The following NME5 variants were observed in gnomAD, a reference collection of about 807,000 sequenced individuals.
The protein encoded by NME5 is nucleoside diphosphate kinase 5.
In NME5, 18 loss-of-function variants were observed where a neutral mutation model predicts 21.6. The ratio of observed to expected loss-of-function variants is 0.83; its 90% CI spans 0.58 to 1.24. NME5 has a LOEUF of 1.24. Ranked by LOEUF, NME5 falls within the 50% of genes most tolerant of loss-of-function variation. The pLI is 0.00. For missense variants in NME5, 223 were observed against 255.4 expected (o/e 0.87, Z 0.86); for synonymous variants, 70 against 80.6 (o/e 0.87, Z 0.71).
At chr5:138,119,661 A>T (rs1257188014) in intron 4 of NME5, among the ~76,000 whole-genome samples, 133 of 140,820 alleles carry the variant, frequency 9.4e-4, no homozygotes, top group African/African-American at 3.3e-3. Flanking sequence ...TCTTTTCTTT[A>T]TTTTTTTTTT....
intron 4 of NME5, chr5:138,127,515 GGGAAAAATAAGTCATAACA>G (rs1751451765): frequency 1.0e-6 from 1 of 977,080 alleles, no homozygotes; most frequent in Non-Finnish European, 1.2e-6. Flanking sequence ...AAATGACTTA[GGGAAAAATAAGTCATAACA>G]GGAAAAATAA....
chr5:138,115,838 G>A, intron 5 of NME5, 74 bp from the exon 6 acceptor site: 18 of 945,952 alleles, frequency 1.9e-5, no homozygotes, highest in Middle Eastern at 2.3e-4. Context: ...TATATCAATT[G>A]GAAACTTAAA....
intron 1 of NME5, 125 bp from the exon 2 acceptor site, chr5:138,138,910 T>A (rs533148608): frequency 1.2e-6 from 1 of 856,452 alleles, no homozygotes; most frequent in Non-Finnish European, 1.8e-6. Flanking sequence ...GTACTTGATT[T>A]TATTAACTGA....
chr5:138,135,206 T>C (rs1317955564), intron 2 of NME5, among the ~76,000 whole-genome samples: 1 of 144,488 alleles, frequency 6.9e-6, no homozygotes, highest in African/African-American at 2.5e-5. Flanking sequence ...TAGTCCCAGC[T>C]ACTCGGGAGG....
At chr5:138,116,744 T>TC (rs1751165532) in intron 5 of NME5, 1 of 153,658 alleles carries the variant, frequency 6.5e-6, no homozygotes, top group Non-Finnish European at 1.5e-5. Flanking sequence ...TTGACAATGG[T>TC]ACCAAGCCCA....
intron 4 of NME5, among the ~76,000 whole-genome samples, chr5:138,122,606 G>A (rs1326300128): frequency 3.3e-5 from 5 of 151,116 alleles, no homozygotes; most frequent in Non-Finnish European, 7.4e-5. Context: ...ATGGGCAAAT[G>A]TTTTATTCAT....
chr5:138,124,258 C>T (rs968263201), intron 4 of NME5, among the ~76,000 whole-genome samples: 5 of 152,070 alleles, frequency 3.3e-5, no homozygotes, highest in East Asian at 1.9e-4. Context: ...CAGCCTCGGC[C>T]TCCCAAAGAG....
At position 138,134,064 on chromosome 5, in the gene NME5, G is replaced by T. The variant is rs372783892; in HGVS notation, c.129+4588C>A. On this transcript the variant is annotated intron_variant, in intron 2 of 5. Transcript: ENST00000265191. ...CCTTTGCTCTGAAAGTTACTAACTAGGGAAAGTGTCATATATATTTACATT... is the reference window on the plus strand; with the variant it reads ...CCTTTGCTCTGAAAGTTACTAACTATGGAAAGTGTCATATATATTTACATT... Among the ~76,000 whole-genome samples, 3 of 152,234 alleles carry T rather than the reference G, an allele frequency of 2.0e-5. No individual in the cohort carries two copies. The East Asian group carries it at 5.8e-4, about 29-fold the overall frequency.
intron 4 of NME5, among the ~76,000 whole-genome samples, chr5:138,126,318 T>C (rs1751424195): frequency 6.6e-6 from 1 of 151,582 alleles, no homozygotes; most frequent in Admixed American, 6.6e-5. Flanking sequence ...GAGACTGGCC[T>C]GGGAAACATG....
At chr5:138,118,700 G>C in intron 5 of NME5, 118 bp downstream of exon 5, 1 of 592,610 alleles carries the variant, frequency 1.7e-6, no homozygotes, top group Non-Finnish European at 3.1e-6. Context: ...AGTCAGGCTG[G>C]TCTCAAACTC....
intron 3 of NME5, 35 bp downstream of exon 3, chr5:138,129,228 C>T: frequency 1.5e-6 from 2 of 1,372,196 alleles, no homozygotes; most frequent in Non-Finnish European, 2.1e-6. Context: ...CAGATGGATT[C>T]CATTCCCTGC....
At chr5:138,129,136 C>CA in intron 3 of NME5, 127 bp downstream of exon 3, 2 of 745,040 alleles carry the variant, frequency 2.7e-6, no homozygotes, top group Non-Finnish European at 2.2e-6. Context: ...CTCTGCCCCC[C>CA]AAAAAAGTTG....
At chr5:138,130,770 CA>C in intron 2 of NME5, among the ~76,000 whole-genome samples, 1 of 150,020 alleles carries the variant, frequency 6.7e-6, no homozygotes, top group Non-Finnish European at 1.5e-5. Context: ...ACCGAAAATA[CA>C]AAAAATTAGC....
intron 4 of NME5, among the ~76,000 whole-genome samples, chr5:138,120,384 C>G (rs1235114925): frequency 6.6e-6 from 1 of 151,972 alleles, no homozygotes; most frequent in African/African-American, 2.4e-5. Context: ...CAGGTGCCCG[C>G]CACTAATTAG....
At chr5:138,116,812 T>C (rs1464790174) in intron 5 of NME5, 1 of 153,660 alleles carries the variant, frequency 6.5e-6, no homozygotes, top group African/African-American at 2.4e-5. Flanking sequence ...ACTAGGACAA[T>C]TGGATTTCCA....
intron 4 of NME5, among the ~76,000 whole-genome samples, chr5:138,128,134 G>T (rs911603898): frequency 1.3e-5 from 2 of 152,062 alleles, no homozygotes; most frequent in African/African-American, 4.8e-5. Flanking sequence ...GAGGATCACC[G>T]GAGCCCAGGA....
chr5:138,128,376 G>GA (rs1038422229), intron 4 of NME5, 103 bp downstream of exon 4: 15 of 890,938 alleles, frequency 1.7e-5, no homozygotes, highest in South Asian at 3.4e-5. Context: ...AAATATACTG[G>GA]AAAAAAAATT....
Position 138,129,413 on chromosome 5 carries a change from T to TACTTTTCCAC in NME5, c.175_184dup (p.Tyr62CysfsTer28), listed in dbSNP as rs1445597166. 1 of 1,614,144 alleles carries TACTTTTCCAC rather than the reference T, an allele frequency of 6.2e-7. No individual in the cohort carries two copies. Among genetic ancestry groups the TACTTTTCCAC allele is most frequent in the Non-Finnish European group, 8.5e-7 (1 of 1,180,008 alleles). Reference sequence around the variant, plus strand: ...TAAGTTGGGGAAAAACATTTTTCCATACTTTTCCACATAAAAGTTACTACA... The same window carrying TACTTTTCCAC: ...TAAGTTGGGGAAAAACATTTTTCCATACTTTTCCACACTTTTCCACATAAAAGTTACTACA... On this transcript the variant is annotated frameshift_variant, in exon 3 of 6. Transcript: ENST00000265191. LOFTEE classifies it high-confidence loss of function.
chr5:138,120,230 C>CTTTTTTTTTTTTTTTTTTT, intron 4 of NME5, among the ~76,000 whole-genome samples: 1 of 87,148 alleles, frequency 1.1e-5, no homozygotes, highest in Non-Finnish European at 2.2e-5. Context: ...GCTCCCAGCT[C>CTTTTTTTTTTTTTTTTTTT]TTTTTTTTTT....
Sources: gnomAD v4.1 joint callset for allele counts (sites outside exome capture counted in the v4.1 genomes callset) on GRCh38, gnomAD v4.1.1 for gene constraint, MANE v1.5 for transcripts, NCBI Gene and HGNC (gene_info 2026-07-23, HGNC 2026-07-21) for gene names.